The following EXOSC7 variants were observed in gnomAD, a reference collection of about 807,000 sequenced individuals.
EXOSC7 encodes the protein exosome complex component RRP42.
In EXOSC7, 25 loss-of-function variants were observed where a neutral mutation model predicts 34.3. The observed-to-expected ratio is 0.73, with a 90% confidence interval of 0.53 to 1.02. The LOEUF is 1.02. Among genes scored for constraint, EXOSC7 ranks in the 50% least tolerant of loss-of-function variants. The probability of loss-of-function intolerance (pLI) is 0.00; values close to 1 mark genes in which losing one functional copy is unlikely to be tolerated. For missense variants in EXOSC7, 370 were observed against 368.5 expected, an observed-to-expected ratio of 1.00 and a Z score of -0.03; for synonymous variants, 130 against 143.0, an observed-to-expected ratio of 0.91 and a Z score of 0.65.
chr3:44,997,283 T>C (rs1706749174), intron 4 of EXOSC7, 31 bp downstream of exon 4: 1 of 1,576,238 alleles, frequency 6.3e-7, no homozygotes, highest in South Asian at 1.2e-5. Context: ...CTGGCCACAT[T>C]CTACCTTTGT....
intron 4 of EXOSC7, among the ~76,000 whole-genome samples, chr3:45,000,158 T>TC (rs1161643458): frequency 6.6e-6 from 1 of 152,242 alleles, no homozygotes; most frequent in Non-Finnish European, 1.5e-5. Flanking sequence ...CAGTTTTTAC[T>TC]CCAAGAGGGA....
chr3:44,985,668 G>C (rs1451288743), intron 1 of EXOSC7, among the ~76,000 whole-genome samples: 2 of 152,210 alleles, frequency 1.3e-5, no homozygotes, highest in Non-Finnish European at 2.9e-5. Context: ...AGAGTGAGCA[G>C]TAGCAAGATT....
At position 44,997,098 on chromosome 3, in the gene EXOSC7, C is replaced by T. The variant is rs755862928; in HGVS notation, c.266C>T (p.Ala89Val). Residue 89 changes from alanine (A) to valine (V), a missense_variant, in exon 4 of 8, where the codon GCT (alanine) becomes GTT (valine). Transcript: ENST00000265564. ...TCTGTTTTGTATAGTTCAGCCAGTG[C>T]TACCCCTGAATTTGAAGGTAGAGGA... The part of the protein sequence containing the change: ...LEFFVDCSAS[A>V]TPEFEGRGGD... The T allele has an allele frequency of 1.2e-5, 19 of 1,613,996 alleles. No individual in the cohort carries two copies. The East Asian group carries it at 3.6e-4, about 30-fold the overall frequency.
Position 45,011,286 on chromosome 3 carries a change from C to T in EXOSC7, c.823C>T (p.His275Tyr), listed in dbSNP as rs1707204654. Residue 275 changes from histidine to tyrosine, a missense_variant, in exon 8 of 8, where the codon CAC (histidine) becomes TAC (tyrosine). His to Tyr is a moderately conservative substitution (Grantham distance 83, BLOSUM62 2). Coordinates refer to ENST00000265564, the MANE Select transcript of EXOSC7 (RefSeq NM_015004.4). ...VLHASLQSVVHKEESLGPKRQ... is the reference protein window; with the variant it reads ...VLHASLQSVVYKEESLGPKRQ... ...GCATGCCTCCTTGCAGAGTGTTGTG[C>T]ACAAGGAAGAAAGCCTGGGGCCCAA... is the stretch of plus-strand genomic sequence containing the variant. 1.9e-6 allele frequency: 3 copies of T among 1,613,334 alleles called. No individual in the cohort carries two copies. The East Asian group carries it at 6.7e-5, about 36-fold the overall frequency.
chr3:45,012,123 G>A (rs1483394226), downstream of EXOSC7: 1 of 152,176 alleles, frequency 6.6e-6, no homozygotes, highest in Admixed American at 6.5e-5. Flanking sequence ...TAGTCTCACT[G>A]TGCAGTGTGT....
At chr3:45,001,947 G>A (rs760946640) in intron 5 of EXOSC7, 1 of 254,464 alleles carries the variant, frequency 3.9e-6, no homozygotes, top group South Asian at 5.8e-5. Context: ...GAACTCTATG[G>A]GGGCAAGGAT....
intron 3 of EXOSC7, among the ~76,000 whole-genome samples, chr3:44,995,040 A>G (rs993121916): frequency 4.6e-5 from 7 of 152,050 alleles, no homozygotes; most frequent in African/African-American, 1.7e-4. Flanking sequence ...GCTGGAGTGC[A>G]GTGGTGCGAT....
chr3:45,011,238 G>A lies in EXOSC7; in HGVS notation c.775G>A (p.Gly259Ser). The change falls in exon 8 of 8, where the codon GGC (glycine) becomes AGC (serine). Residue 259 changes from glycine (G) to serine (S), a missense_variant. Physicochemically the swap from Gly to Ser is moderately conservative, Grantham distance 56. This residue lies in a region of EXOSC7 where 255 missense variants were observed against 246.4 expected (regional missense o/e 1.03). Coordinates refer to ENST00000265564, the MANE Select transcript of EXOSC7 (RefSeq NM_015004.4). ...PESIFEMMET[G>S]KRVGKVLHAS... is the part of the protein sequence containing the mutation. The stretch of plus-strand genomic sequence containing the variant: ...CTCTCCCGTCCCTTCTCCACAGACT[G>A]GCAAGCGTGTGGGCAAGGTACTGCA... 2.5e-6 allele frequency: 4 copies of A among 1,607,848 alleles called. No homozygotes were observed. Among genetic ancestry groups the A allele is most frequent in the Non-Finnish European group, 3.4e-6 (4 of 1,176,154 alleles).
chr3:45,009,012 A>G (rs1707132586), intron 7 of EXOSC7, among the ~76,000 whole-genome samples: 2 of 152,228 alleles, frequency 1.3e-5, no homozygotes, highest in African/African-American at 4.8e-5. Flanking sequence ...TGAGGCACAC[A>G]GAGGATAAGC....
At chr3:44,997,064 T>G in intron 3 of EXOSC7, 23 bp from the exon 4 acceptor site, 1 of 1,609,196 alleles carries the variant, frequency 6.2e-7, no homozygotes, top group Non-Finnish European at 8.5e-7. Context: ...CTCACCCAGT[T>G]TTTTTGTTTC....
chr3:45,007,141 T>G (rs908704613), intron 6 of EXOSC7, among the ~76,000 whole-genome samples: 5 of 152,202 alleles, frequency 3.3e-5, no homozygotes, highest in Non-Finnish European at 5.9e-5. Flanking sequence ...TTGGAAAGCC[T>G]TGGTGGCCTT....
intron 3 of EXOSC7, among the ~76,000 whole-genome samples, chr3:44,992,551 T>G (rs1423174080): frequency 2.6e-5 from 4 of 152,208 alleles, no homozygotes; most frequent in African/African-American, 4.8e-5. Flanking sequence ...TTGGAAAGAC[T>G]GCTGCACTGA....
chr3:44,999,492 C>T (rs1168027952), intron 4 of EXOSC7, among the ~76,000 whole-genome samples: 1 of 152,084 alleles, frequency 6.6e-6, no homozygotes, highest in Non-Finnish European at 1.5e-5. Context: ...AGTTCGAGAC[C>T]AGCCTGGAAA....
intron 3 of EXOSC7, among the ~76,000 whole-genome samples, chr3:44,996,607 T>C (rs758763891): frequency 1.3e-5 from 2 of 152,194 alleles, no homozygotes; most frequent in Non-Finnish European, 2.9e-5. Context: ...GTACTTACAT[T>C]GTGGTTTTTA....
chr3:44,977,974 A>T (rs1706156601), intron 1 of EXOSC7, among the ~76,000 whole-genome samples: 1 of 152,234 alleles, frequency 6.6e-6, no homozygotes, highest in Non-Finnish European at 1.5e-5. Context: ...GTCATTAGTT[A>T]ATTTTATTTA....
Position 45,007,401 on chromosome 3 carries a change from A to G in EXOSC7, c.616-19A>G. On this transcript the variant is annotated intron_variant, in intron 6 of 7. Coordinates refer to ENST00000265564, the MANE Select transcript of EXOSC7 (RefSeq NM_015004.4). ...GGGCCTGCGTGACCCACCGTGTGCC[A>G]CGCACCCTGCCTTTGCAGATTGGCT... 6.2e-7 allele frequency: 1 copy of G among 1,613,566 alleles called. No homozygotes were observed. The highest frequency in any genetic ancestry group is 1.3e-5 in the African/African-American group (1 of 75,032).
At chr3:45,003,639 C>A (rs981485038) in intron 5 of EXOSC7, among the ~76,000 whole-genome samples, 2 of 152,106 alleles carry the variant, frequency 1.3e-5, no homozygotes, top group African/African-American at 4.8e-5. Context: ...TCCTTCCTGG[C>A]TCCTCCAACC....
At chr3:45,006,879 A>C (rs979474532) in intron 6 of EXOSC7, among the ~76,000 whole-genome samples, 1 of 128,766 alleles carries the variant, frequency 7.8e-6, no homozygotes, top group African/African-American at 2.9e-5. Context: ...TCACACCACC[A>C]TATCTGGCTA....
chr3:45,005,560 T>C, intron 6 of EXOSC7, 146 bp downstream of exon 6: 1 of 718,804 alleles, frequency 1.4e-6, no homozygotes, highest in Non-Finnish European at 2.2e-6. Flanking sequence ...AATAATTTGG[T>C]TATACTAGAA....
Sources: gnomAD v4.1 joint callset for allele counts (sites outside exome capture counted in the v4.1 genomes callset) on GRCh38, gnomAD v4.1.1 for gene constraint, gnomAD v4.1.1 regional missense constraint, MANE v1.5 for transcripts, NCBI Gene and HGNC (gene_info 2026-07-23, HGNC 2026-07-21) for gene names.